Variants in USH2A observed in about 807,000 individuals in gnomAD.
USH2A encodes the protein Usher syndrome 2A (autosomal recessive, mild).
In USH2A, 443 loss-of-function variants were observed where a neutral mutation model predicts 538.9. That is an observed-to-expected ratio of 0.82 (90% CI 0.76 to 0.89). The LOEUF (loss-of-function observed/expected upper bound fraction) is 0.89. Among genes scored for constraint, USH2A ranks in the 40% least tolerant of loss-of-function variants. USH2A has a pLI of 0.00. For synonymous variants in USH2A, 2,413 were observed against 2,273.5 expected (o/e 1.06, Z -1.75); for missense variants, 6,633 against 6,324.8 (o/e 1.05, Z -1.65).
chr1:216,296,414 C>T (rs1281568613), intron 9 of USH2A, among the ~76,000 whole-genome samples: 1 of 152,030 alleles, frequency 6.6e-6, no homozygotes, highest in Admixed American at 6.6e-5. Context: ...AATCTTGCTC[C>T]TGTCACTCTA....
Position 215,639,238 on chromosome 1 carries a change from G to C in USH2A, c.14969C>G (p.Thr4990Ser), listed in dbSNP as rs748417644. Residue 4990 changes from threonine to serine, a missense_variant and splice_region_variant, in exon 69 of 72, where the codon ACC (threonine) becomes AGC (serine). Transcript: ENST00000307340. ...CGTGCAGATGACCTGGAAAAAGAAGGCTAGACAAAAGGAAGAACTGGTAAA... is the reference window on the plus strand; with the variant it reads ...CGTGCAGATGACCTGGAAAAAGAAGCCTAGACAAAAGGAAGAACTGGTAAA... ...TLYIPRTADKTFFFQVICTTD... is the reference protein window; with the variant it reads ...TLYIPRTADKSFFFQVICTTD... 5.6e-6 allele frequency: 9 copies of C among 1,613,956 alleles called. No homozygotes were observed. Among genetic ancestry groups the C allele is most frequent in the East Asian group, 4.5e-5 (2 of 44,884 alleles).
At chr1:216,319,856 T>C (rs2037573669) in intron 9 of USH2A, among the ~76,000 whole-genome samples, 1 of 152,166 alleles carries the variant, frequency 6.6e-6, no homozygotes, top group Admixed American at 6.5e-5. Context: ...AGATGGTTTT[T>C]TAAAAAGCAA....
At chr1:216,400,550 T>C (rs1479637104) in intron 3 of USH2A, among the ~76,000 whole-genome samples, 1 of 152,126 alleles carries the variant, frequency 6.6e-6, no homozygotes, top group East Asian at 1.9e-4. Flanking sequence ...ACTGAAAATA[T>C]GGCAAAAGAC....
intron 49 of USH2A, among the ~76,000 whole-genome samples, chr1:215,804,120 T>C (rs1401593808): frequency 6.6e-6 from 1 of 152,118 alleles, no homozygotes; most frequent in Non-Finnish European, 1.5e-5. Flanking sequence ...TTACACCTTA[T>C]ACAAAAATCA....
At chr1:216,254,019 TATA>T (rs1211292049) in intron 11 of USH2A, among the ~76,000 whole-genome samples, 1 of 152,130 alleles carries the variant, frequency 6.6e-6, no homozygotes, top group Non-Finnish European at 1.5e-5. Context: ...CTCAAAAGTG[TATA>T]ATATTGCCTT....
At chr1:215,967,002 T>C (rs1455968043) in intron 36 of USH2A, among the ~76,000 whole-genome samples, 1 of 152,232 alleles carries the variant, frequency 6.6e-6, no homozygotes, top group Non-Finnish European at 1.5e-5. Context: ...TCTTTCTTTT[T>C]CATTTTACTT....
At chr1:216,246,321 A>T (rs930212506) in intron 13 of USH2A, among the ~76,000 whole-genome samples, 10 of 152,224 alleles carry the variant, frequency 6.6e-5, no homozygotes, top group Non-Finnish European at 1.3e-4. Context: ...GATTTACTTC[A>T]AGTGTAGAAA....
chr1:216,413,832 T>G (rs1425111836), intron 3 of USH2A, among the ~76,000 whole-genome samples: 2 of 152,108 alleles, frequency 1.3e-5, no homozygotes, highest in African/African-American at 4.8e-5. Context: ...ATTGTTTTAC[T>G]GCAATTCTGC....
chr1:215,879,646 A>C (rs1294547707), intron 41 of USH2A, among the ~76,000 whole-genome samples: 1 of 152,226 alleles, frequency 6.6e-6, no homozygotes, highest in Non-Finnish European at 1.5e-5. Context: ...TAAAGCATTA[A>C]TAGCACATCC....
Position 215,759,689 on chromosome 1 carries a change from G to A in USH2A, c.11202C>T (p.Phe3734=), listed in dbSNP as rs1412699036. ...LFLGGSEEQN[F]TDKNLEPNSR... ...TATTGGGCTCCAGGTTTTTATCAGT[G>A]AAATTCTGCTCCTCACTGCCACCCA... Residue 3734 remains phenylalanine (F), a synonymous_variant, in exon 57 of 72, where the codon TTC becomes TTT. Transcript: ENST00000307340. The A allele has an allele frequency of 6.2e-7, 1 of 1,613,934 alleles. No homozygotes were observed. The highest frequency in any genetic ancestry group is 1.7e-5 in the Admixed American group (1 of 59,998).
intron 21 of USH2A, among the ~76,000 whole-genome samples, chr1:216,139,329 G>T (rs536685432): frequency 1.3e-5 from 2 of 151,404 alleles, no homozygotes; most frequent in Admixed American, 6.6e-5. Flanking sequence ...CCATACCCTA[G>T]GCACAGGCTG....
intron 5 of USH2A, among the ~76,000 whole-genome samples, chr1:216,327,144 T>C (rs1330669078): frequency 1.3e-5 from 2 of 152,170 alleles, no homozygotes; most frequent in African/African-American, 2.4e-5. Flanking sequence ...CCAAGTCTAA[T>C]AGATCAGTCT....
intron 21 of USH2A, among the ~76,000 whole-genome samples, chr1:216,135,581 C>T (rs1476927481): frequency 6.6e-6 from 1 of 151,964 alleles, no homozygotes; most frequent in Admixed American, 6.6e-5. Context: ...ATATTTATAA[C>T]CATTTACTAT....
chr1:215,732,612 G>A (rs1358864118), intron 60 of USH2A, among the ~76,000 whole-genome samples: 1 of 126,166 alleles, frequency 7.9e-6, no homozygotes, highest in African/African-American at 3.0e-5. Context: ...GGCAATCTCG[G>A]CTCACTGCAA....
At chr1:216,355,013 A>T (rs1413826754) in intron 4 of USH2A, among the ~76,000 whole-genome samples, 1 of 152,042 alleles carries the variant, frequency 6.6e-6, no homozygotes, top group Non-Finnish European at 1.5e-5. Flanking sequence ...CATCAAGTGG[A>T]AAACAATATA....
intron 4 of USH2A, among the ~76,000 whole-genome samples, chr1:216,356,248 A>G (rs1459406024): frequency 5.3e-5 from 8 of 152,100 alleles, no homozygotes; most frequent in Non-Finnish European, 1.2e-4. Flanking sequence ...CAGAATTTAA[A>G]TGACTAACAT....
chr1:215,962,474 T>C (rs1667225752), intron 37 of USH2A, among the ~76,000 whole-genome samples: 1 of 152,062 alleles, frequency 6.6e-6, no homozygotes, highest in Non-Finnish European at 1.5e-5. Context: ...ATTACCAAGC[T>C]ATATAAAGAA....
rs532400260 is a variant in USH2A, at chr1:215,745,178, C to A, written c.11390-1843G>T. On this transcript the variant is annotated intron_variant, in intron 58 of 71. Coordinates refer to ENST00000307340, the MANE Select transcript of USH2A (RefSeq NM_206933.4). ...AGTAAGACTTTTAGAGTGGATCCTG[C>A]CTTCTTCACTCCAAAACTCAAGTGA... Among the ~76,000 whole-genome samples, 44 of 152,230 alleles carry A rather than the reference C, an allele frequency of 2.9e-4. 1 individual carries two copies. Among genetic ancestry groups the A allele is most frequent in the African/African-American group, 1.0e-3 (42 of 41,560 alleles).
intron 49 of USH2A, among the ~76,000 whole-genome samples, chr1:215,804,734 C>G (rs1047828828): frequency 2.6e-5 from 4 of 152,112 alleles, no homozygotes; most frequent in African/African-American, 9.7e-5. Context: ...GGCGATTCCT[C>G]AGGGATCTTG....
Sources: allele counts gnomAD v4.1 joint callset (sites outside exome capture counted in the v4.1 genomes callset), GRCh38; gene constraint gnomAD v4.1.1; transcripts MANE v1.5; gene names NCBI Gene and HGNC (gene_info 2026-07-23, HGNC 2026-07-21).